NSUN6: variants seen among roughly 807,000 people sequenced by gnomAD.
NSUN6 encodes the protein NOP2/Sun RNA methyltransferase 6.
Under a neutral mutation model 58.0 loss-of-function variants are expected in NSUN6, and 64 were observed. The observed-to-expected ratio is 1.10, with a 90% CI of 0.90 to 1.36. The LOEUF is 1.36. Among genes scored for constraint, NSUN6 ranks in the 40% most tolerant of loss-of-function variants. The probability of loss-of-function intolerance (pLI) is 0.00; values close to 1 mark genes in which losing one functional copy is unlikely to be tolerated. For missense variants in NSUN6, 701 were observed against 550.1 expected (o/e 1.27, Z -2.74); for synonymous variants, 231 against 193.9 (o/e 1.19, Z -1.59).
At chr10:18,564,442 C>G (rs2130904572) in intron 8 of NSUN6, among the ~76,000 whole-genome samples, 1 of 150,842 alleles carries the variant, frequency 6.6e-6, no homozygotes, top group Middle Eastern at 3.5e-3. Context: ...ATTCCACTCT[C>G]TATTCCATTC....
At position 18,571,806 on chromosome 10, in the gene NSUN6, T is replaced by G. The variant is rs1232262812; in HGVS notation, c.922+14143A>C. Reference sequence around the variant, plus strand: ...ATTCTCCATACCATCCTCCATTCCATTACACTGCATTCCATTCTCCATTCT... The same window carrying G: ...ATTCTCCATACCATCCTCCATTCCAGTACACTGCATTCCATTCTCCATTCT... On this transcript the variant is annotated intron_variant, in intron 8 of 10. Coordinates refer to ENST00000377304, the MANE Select transcript of NSUN6 (RefSeq NM_182543.5). Among the ~76,000 whole-genome samples, 3 of 151,268 alleles carry G rather than the reference T, an allele frequency of 2.0e-5. No individual in the cohort carries two copies. The East Asian group carries it at 5.9e-4, about 30-fold the overall frequency.
chr10:18,649,744 G>A (rs946696901), intron 1 of NSUN6, among the ~76,000 whole-genome samples: 2 of 152,132 alleles, frequency 1.3e-5, no homozygotes, highest in Admixed American at 6.5e-5. Flanking sequence ...GGCAGAGGCA[G>A]TGTCAAAGAA....
intron 8 of NSUN6, among the ~76,000 whole-genome samples, chr10:18,575,690 G>A (rs1355801945): frequency 6.6e-6 from 1 of 152,122 alleles, no homozygotes; most frequent in Non-Finnish European, 1.5e-5. Flanking sequence ...TGGACCAAGT[G>A]TCTTCCTATT....
At chr10:18,585,896 T>C (rs2057112595) in intron 8 of NSUN6, 53 bp downstream of exon 8, 11 of 1,357,144 alleles carry the variant, frequency 8.1e-6, no homozygotes, top group Non-Finnish European at 1.0e-5. Context: ...TCACACTGTA[T>C]GCCACAAATA....
intron 8 of NSUN6, among the ~76,000 whole-genome samples, chr10:18,585,250 T>C (rs921032774): frequency 6.6e-6 from 1 of 152,122 alleles, no homozygotes. Flanking sequence ...TTATGTAAAA[T>C]GGTATGGAGG....
intron 6 of NSUN6, among the ~76,000 whole-genome samples, chr10:18,601,283 T>G (rs1442193097): frequency 2.6e-5 from 4 of 152,024 alleles, no homozygotes; most frequent in Non-Finnish European, 5.9e-5. Flanking sequence ...CCCTGTATTT[T>G]AGAAGATATT....
At chr10:18,605,671 T>C (rs1256663200) in intron 6 of NSUN6, among the ~76,000 whole-genome samples, 2 of 152,222 alleles carry the variant, frequency 1.3e-5, no homozygotes, top group African/African-American at 4.8e-5. Flanking sequence ...AAGAGACACA[T>C]GGCTGTGGTC....
intron 2 of NSUN6, among the ~76,000 whole-genome samples, chr10:18,643,725 G>A (rs2059455305): frequency 6.6e-6 from 1 of 151,972 alleles, no homozygotes; most frequent in African/African-American, 2.4e-5. Context: ...TAGCCTTACA[G>A]TATCAATTAT....
chr10:18,655,268 TTGACACCTC>T (rs1300097486), upstream of NSUN6: 8 of 330,024 alleles, frequency 2.4e-5, no homozygotes, highest in Non-Finnish European at 3.0e-5. Context: ...ATCTATATCT[TTGACACCTC>T]TGGTGTCAAG....
At chr10:18,571,699 C>CTCCAT (rs1441291170) in intron 8 of NSUN6, among the ~76,000 whole-genome samples, 1 of 150,776 alleles carries the variant, frequency 6.6e-6, no homozygotes, top group African/African-American at 2.4e-5. Flanking sequence ...CCATTCCATT[C>CTCCAT]TCCATTCCAT....
intron 3 of NSUN6, among the ~76,000 whole-genome samples, chr10:18,622,206 C>T (rs2058633413): frequency 6.6e-6 from 1 of 152,108 alleles, no homozygotes; most frequent in East Asian, 1.9e-4. Flanking sequence ...GGGTAGAATG[C>T]TCATAAATGG....
In NSUN6 at chr10:18,546,049, G is replaced by A; in HGVS notation, c.1294C>T (p.Pro432Ser). 6.2e-7 allele frequency: 1 copy of A among 1,603,758 alleles called. No homozygotes were observed. The highest frequency in any genetic ancestry group is 8.5e-7 in the Non-Finnish European group (1 of 1,175,892). ...CTAAGAGAGTCCATGTCAGTGTCCG[G>A]TAATGGCACAGCCGATGGATCAAAT... is the stretch of plus-strand genomic sequence containing the variant. ...QRFDPSAVPLPDTDMDSLREA... is the reference protein window; with the variant it reads ...QRFDPSAVPLSDTDMDSLREA... The change falls in exon 11 of 11, where the codon CCG (proline) becomes TCG (serine). Residue 432 changes from proline (P) to serine (S), a missense_variant. By Grantham distance (74) the Pro-to-Ser change is moderately conservative. Coordinates refer to ENST00000377304, the MANE Select transcript of NSUN6 (RefSeq NM_182543.5).
chr10:18,645,552 GTTCA>G (rs1220846702), intron 2 of NSUN6, among the ~76,000 whole-genome samples: 1 of 152,140 alleles, frequency 6.6e-6, no homozygotes, highest in African/African-American at 2.4e-5. Context: ...GCATGTATCA[GTTCA>G]TTCTAGTTCA....
upstream of NSUN6, chr10:18,651,778 A>G (rs2059714257): frequency 2.0e-6 from 2 of 985,260 alleles, no homozygotes; most frequent in South Asian, 4.7e-5. Flanking sequence ...CACCTGCCTC[A>G]GGTTAAGTAG....
At chr10:18,598,540 C>T (rs928840713) in intron 6 of NSUN6, among the ~76,000 whole-genome samples, 11 of 152,042 alleles carry the variant, frequency 7.2e-5, no homozygotes, top group African/African-American at 2.4e-4. Context: ...GGCACAACCA[C>T]GGCTCACTGA....
chr10:18,623,656 T>C (rs1184379502), intron 3 of NSUN6, among the ~76,000 whole-genome samples: 2 of 152,172 alleles, frequency 1.3e-5, no homozygotes, highest in South Asian at 2.1e-4. Flanking sequence ...AACCAGACAA[T>C]GTGTTATTTT....
chr10:18,557,382 AGTGGAATGGAAGGGAGC>A (rs1373610810), intron 8 of NSUN6, among the ~76,000 whole-genome samples: 2 of 150,030 alleles, frequency 1.3e-5, no homozygotes, highest in African/African-American at 2.5e-5. Flanking sequence ...TGGAGTGGAG[AGTGGAATGGAAGGGAGC>A]ATGGAATGGA....
At chr10:18,609,779 G>C (rs761316530) in intron 6 of NSUN6, 66 bp downstream of exon 6, 68 of 890,932 alleles carry the variant, frequency 7.6e-5, no homozygotes, top group Admixed American at 4.0e-5. Flanking sequence ...AAATATCCTA[G>C]ATTTCAAATA....
At chr10:18,580,274 A>T (rs1412740236) in intron 8 of NSUN6, among the ~76,000 whole-genome samples, 1 of 152,202 alleles carries the variant, frequency 6.6e-6, no homozygotes, top group Non-Finnish European at 1.5e-5. Flanking sequence ...CATTTGTGCC[A>T]TGACCCGCTC....
Sources: allele counts gnomAD v4.1 joint callset (sites outside exome capture counted in the v4.1 genomes callset), GRCh38; gene constraint gnomAD v4.1.1; transcripts MANE v1.5; gene names NCBI Gene and HGNC (gene_info 2026-07-23, HGNC 2026-07-21).